WDFY2: variants seen among roughly 807,000 people sequenced by gnomAD.
The protein encoded by WDFY2 is WD repeat and FYVE domain-containing protein 2.
In WDFY2, 36 loss-of-function variants were observed where a neutral mutation model predicts 56.4. That is an observed-to-expected ratio of 0.64 (90% CI 0.49 to 0.84). The LOEUF is 0.84. Among genes scored for constraint, WDFY2 ranks in the 40% least tolerant of loss-of-function variants. The pLI is 0.00. For missense variants in WDFY2, 444 were observed against 512.2 expected, an observed-to-expected ratio of 0.87 and a Z score of 1.29; for synonymous variants, 176 against 183.7, an observed-to-expected ratio of 0.96 and a Z score of 0.34.
intron 1 of WDFY2, chr13:51,586,612 C>T (rs1326884164): frequency 1.3e-5 from 2 of 152,086 alleles, no homozygotes; most frequent in African/African-American, 4.8e-5. Context: ...TTGAAGGAAA[C>T]AGCTTTACTG....
At chr13:51,694,371 C>A (rs1951816256) in intron 3 of WDFY2, among the ~76,000 whole-genome samples, 1 of 152,170 alleles carries the variant, frequency 6.6e-6, no homozygotes, top group Non-Finnish European at 1.5e-5. Flanking sequence ...TCTTTTAGGG[C>A]AGGCCTGGTG....
chr13:51,661,229 A>G (rs948195420), intron 2 of WDFY2, among the ~76,000 whole-genome samples: 1 of 152,174 alleles, frequency 6.6e-6, no homozygotes, highest in African/African-American at 2.4e-5. Flanking sequence ...TGATTCTTAG[A>G]TTATTCCACT....
At chr13:51,688,087 G>A (rs1177571489) in intron 3 of WDFY2, among the ~76,000 whole-genome samples, 1 of 152,136 alleles carries the variant, frequency 6.6e-6, no homozygotes. Flanking sequence ...GTGGGGAGAA[G>A]GGGTAGTTGG....
At chr13:51,750,285 G>C in intron 7 of WDFY2, among the ~76,000 whole-genome samples, 1 of 152,084 alleles carries the variant, frequency 6.6e-6, no homozygotes, top group Non-Finnish European at 1.5e-5. Flanking sequence ...AATTTAAAAG[G>C]TATCGTAATC....
intron 1 of WDFY2, among the ~76,000 whole-genome samples, chr13:51,645,263 A>G (rs1955243149): frequency 1.3e-5 from 2 of 151,704 alleles, no homozygotes; most frequent in Non-Finnish European, 2.9e-5. Flanking sequence ...GCAGGGTGTG[A>G]TCTGTAGAAA....
At chr13:51,649,894 A>G (rs933195791) in intron 1 of WDFY2, among the ~76,000 whole-genome samples, 2 of 152,066 alleles carry the variant, frequency 1.3e-5, no homozygotes, top group African/African-American at 2.4e-5. Context: ...TTGACTTGGC[A>G]ATGCGGGCTC....
At chr13:51,744,024 G>A (rs896409811) in intron 7 of WDFY2, among the ~76,000 whole-genome samples, 4 of 152,208 alleles carry the variant, frequency 2.6e-5, no homozygotes, top group South Asian at 4.1e-4. Flanking sequence ...CTGAGTTCAG[G>A]TTTAGCCTGG....
chr13:51,722,652 G>C (rs1264401889), intron 5 of WDFY2, among the ~76,000 whole-genome samples: 1 of 152,130 alleles, frequency 6.6e-6, no homozygotes, highest in Admixed American at 6.5e-5. Context: ...TAGAAACCAA[G>C]GCTCAGGGAG....
chr13:51,636,046 C>CT (rs1421625824), intron 1 of WDFY2, among the ~76,000 whole-genome samples: 2 of 151,980 alleles, frequency 1.3e-5, no homozygotes, highest in African/African-American at 2.4e-5. Flanking sequence ...GTTTCATCAT[C>CT]TTTTTTTTCA....
chr13:51,596,576 G>T (rs1954154613), intron 1 of WDFY2, among the ~76,000 whole-genome samples: 1 of 152,170 alleles, frequency 6.6e-6, no homozygotes, highest in African/African-American at 2.4e-5. Context: ...TGATCACCTG[G>T]AAACACTGAC....
chr13:51,625,620 A>G (rs1954823871), intron 1 of WDFY2, among the ~76,000 whole-genome samples: 1 of 152,188 alleles, frequency 6.6e-6, no homozygotes, highest in Non-Finnish European at 1.5e-5. Context: ...CTCAATTCAG[A>G]GGGTTTCAGA....
rs1307821283 is a variant in WDFY2, at chr13:51,701,376, C to T, written c.280-2220C>T. On this transcript the variant is annotated intron_variant, in intron 3 of 11. Transcript: ENST00000298125. ...TTTCCACTAAAAATACAAAAATTAG[C>T]CAGGCATGGTGGCATGTACCTGTAG... Among the ~76,000 whole-genome samples the T allele has an allele frequency of 3.9e-5, 6 of 152,004 alleles. No homozygotes were observed. The South Asian group carries it at 1.0e-3, about 26-fold the overall frequency.
intron 2 of WDFY2, among the ~76,000 whole-genome samples, chr13:51,665,499 C>T (rs1182442908): frequency 6.6e-6 from 1 of 152,192 alleles, no homozygotes; most frequent in African/African-American, 2.4e-5. Context: ...ATTTCTATTT[C>T]TGTGGTTGAT....
chr13:51,613,515 AAG>A (rs1165313448), intron 1 of WDFY2, among the ~76,000 whole-genome samples: 1 of 152,180 alleles, frequency 6.6e-6, no homozygotes, highest in Non-Finnish European at 1.5e-5. Context: ...AAATACTTTG[AAG>A]AACATGATTT....
At chr13:51,743,365 A>G (rs1054458598) in intron 7 of WDFY2, among the ~76,000 whole-genome samples, 1 of 152,206 alleles carries the variant, frequency 6.6e-6, no homozygotes, top group African/African-American at 2.4e-5. Flanking sequence ...GAGGCACTGC[A>G]CCTTTCTGAT....
intron 1 of WDFY2, among the ~76,000 whole-genome samples, chr13:51,611,480 A>G (rs1954502572): frequency 1.3e-5 from 2 of 152,216 alleles, no homozygotes; most frequent in Admixed American, 1.3e-4. Flanking sequence ...ATAATAATAT[A>G]TTGGATCTAT....
intron 1 of WDFY2, among the ~76,000 whole-genome samples, chr13:51,656,675 G>A (rs1365062142): frequency 1.3e-5 from 2 of 151,896 alleles, no homozygotes; most frequent in African/African-American, 4.8e-5. Flanking sequence ...GTTCTTTGGA[G>A]TATATATATT....
intron 1 of WDFY2, among the ~76,000 whole-genome samples, chr13:51,647,020 A>G (rs1014553523): frequency 3.9e-5 from 6 of 152,228 alleles, no homozygotes; most frequent in East Asian, 1.9e-4. Flanking sequence ...ACAATACAGT[A>G]TAACAGCTGT....
At chr13:51,601,855 T>C (rs902478314) in intron 1 of WDFY2, among the ~76,000 whole-genome samples, 4 of 152,142 alleles carry the variant, frequency 2.6e-5, no homozygotes, top group African/African-American at 9.7e-5. Context: ...GGAGCCTCCA[T>C]GGAAATCACA....
Sources: gnomAD v4.1 joint callset for allele counts (sites outside exome capture counted in the v4.1 genomes callset) on GRCh38, gnomAD v4.1.1 for gene constraint, MANE v1.5 for transcripts, NCBI Gene and HGNC (gene_info 2026-07-23, HGNC 2026-07-21) for gene names.